KAZN: variants seen among roughly 807,000 people sequenced by gnomAD.
The protein encoded by KAZN is kazrin.
KAZN carries 40 observed loss-of-function variants against 87.4 expected under a neutral mutation model. The observed-to-expected ratio is 0.46, with a 90% CI of 0.36 to 0.60. The LOEUF is 0.60. KAZN is among the 20% of genes least tolerant of loss of function. The pLI, the probability that KAZN is intolerant of heterozygous loss-of-function variation, is 0.00. For synonymous variants in KAZN, 466 were observed against 458.3 expected (o/e 1.02, Z -0.22); for missense variants, 898 against 1,073.9 (o/e 0.84, Z 2.29).
At chr1:15,075,326 A>G (rs373759427) in intron 8 of KAZN, among the ~76,000 whole-genome samples, 4 of 152,338 alleles carry the variant, frequency 2.6e-5, no homozygotes, top group East Asian at 3.9e-4. Flanking sequence ...ACACTGCATC[A>G]TATCTCCACC....
chr1:15,110,318 T>G (rs111063543), intron 13 of KAZN, among the ~76,000 whole-genome samples: 7,789 of 151,982 alleles, frequency 0.051, 222 homozygotes, highest in Middle Eastern at 0.068. Context: ...TATTTGTGTA[T>G]TTGTGTGTGG....
Position 14,431,005 on chromosome 1 carries a change from A to G in KAZN, c.250-167978A>G, listed in dbSNP as rs569084674. The stretch of plus-strand genomic sequence containing the variant: ...TCCACTGTTATAGACCCAGAAAATT[A>G]TGTCCCTTTTCTCTGGAGAAGTTAT... On this transcript the variant is annotated intron_variant, in intron 2 of 16. Coordinates refer to the KAZN transcript ENST00000636203. Among the ~76,000 whole-genome samples, 7 of 152,330 alleles carry G rather than the reference A, an allele frequency of 4.6e-5. No individual in the cohort carries two copies. The South Asian group carries it at 1.5e-3, about 32-fold the overall frequency.
At chr1:15,052,246 C>T (rs539609277) in intron 4 of KAZN, among the ~76,000 whole-genome samples, 1 of 152,174 alleles carries the variant, frequency 6.6e-6, no homozygotes, top group East Asian at 1.9e-4. Context: ...TTAATGGACT[C>T]ACAGTTCCAC....
chr1:14,883,335 A>AGGGAGGGAGG (rs1653572056), intron 1 of KAZN, among the ~76,000 whole-genome samples: 5 of 42,172 alleles, frequency 1.2e-4, no homozygotes, highest in Admixed American at 3.3e-4. Flanking sequence ...AGAGAGAGAG[A>AGGGAGGGAGG]GAGAGAGAAA....
intron 2 of KAZN, among the ~76,000 whole-genome samples, chr1:14,521,962 G>T (rs1671614061): frequency 6.6e-6 from 1 of 152,202 alleles, no homozygotes; most frequent in Non-Finnish European, 1.5e-5. Flanking sequence ...AAATTTGAAA[G>T]AATGTGAACT....
chr1:13,958,210 G>A (rs561506858), intron 1 of KAZN, among the ~76,000 whole-genome samples: 9 of 152,284 alleles, frequency 5.9e-5, no homozygotes, highest in East Asian at 3.9e-4. Context: ...TTATGCACAC[G>A]TAGATATTCA....
chr1:15,112,492 G>C lies in KAZN; in HGVS notation c.2114G>C (p.Arg705Pro), dbSNP rs546437750. ...TPPGRASSVT[R>P]AGKEENSSGL... is the part of the protein sequence containing the mutation. ...CCTGGCAGGGCCTCCAGCGTCACGC[G>C]GGCAGGAAAGGAGGAGAACAGCAGC... Residue 705 changes from arginine (R) to proline (P), a missense_variant, in exon 14 of 15, where the codon CGG becomes CCG. Physicochemically the swap from Arg to Pro is moderately radical, Grantham distance 103. This residue lies in a region of KAZN where 127 missense variants were observed against 121.5 expected (regional missense o/e 1.04). Transcript: ENST00000376030. 4.5e-5 allele frequency: 72 copies of C among 1,609,406 alleles called. No individual in the cohort carries two copies. The highest frequency in any genetic ancestry group is 4.8e-5 in the Non-Finnish European group (56 of 1,178,294).
intron 1 of KAZN, among the ~76,000 whole-genome samples, chr1:14,605,682 G>C (rs1453738165): frequency 1.3e-5 from 2 of 152,108 alleles, no homozygotes. Context: ...TCATGTTGAG[G>C]AGGAGGAGGA....
intron 1 of KAZN, among the ~76,000 whole-genome samples, chr1:14,055,680 T>C (rs1430507696): frequency 1.3e-5 from 2 of 152,136 alleles, no homozygotes; most frequent in Non-Finnish European, 2.9e-5. Context: ...GTGCTGTCGC[T>C]CCACAGAAGG....
intron 1 of KAZN, among the ~76,000 whole-genome samples, chr1:14,160,730 G>A (rs1239467866): frequency 6.6e-6 from 1 of 152,094 alleles, no homozygotes. Context: ...GTGAATTTGG[G>A]GGTTCACTAA....
intron 2 of KAZN, among the ~76,000 whole-genome samples, chr1:14,466,978 T>A (rs972504524): frequency 6.6e-6 from 1 of 151,920 alleles, no homozygotes; most frequent in African/African-American, 2.4e-5. Flanking sequence ...CAAAAAAAAA[T>A]TAATTAAATA....
intron 2 of KAZN, among the ~76,000 whole-genome samples, chr1:14,405,129 C>T (rs1663725979): frequency 1.3e-5 from 2 of 152,206 alleles, no homozygotes; most frequent in South Asian, 4.1e-4. Context: ...CAACTCAGAA[C>T]TTTGCATACC....
chr1:14,098,136 C>A (rs1644170261), intron 1 of KAZN, among the ~76,000 whole-genome samples: 1 of 152,090 alleles, frequency 6.6e-6, no homozygotes, highest in Non-Finnish European at 1.5e-5. Flanking sequence ...GAGCTCTTCC[C>A]CTTGCCTTGT....
At chr1:14,377,493 T>A (rs1408716915) in intron 2 of KAZN, among the ~76,000 whole-genome samples, 1 of 152,184 alleles carries the variant, frequency 6.6e-6, no homozygotes, top group East Asian at 1.9e-4. Context: ...AGAAACAGTC[T>A]CTAGCCTTTT....
At chr1:14,984,015 T>C (rs1666526382) in intron 2 of KAZN, among the ~76,000 whole-genome samples, 1 of 152,174 alleles carries the variant, frequency 6.6e-6, no homozygotes, top group Non-Finnish European at 1.5e-5. Context: ...GAAGTTTATA[T>C]AGATTTGTAG....
chr1:14,316,876 C>T (rs1655688833), intron 2 of KAZN, among the ~76,000 whole-genome samples: 1 of 151,402 alleles, frequency 6.6e-6, no homozygotes, highest in East Asian at 1.9e-4. Flanking sequence ...AATTTAATTC[C>T]ATAGTGGTGA....
intron 2 of KAZN, among the ~76,000 whole-genome samples, chr1:14,288,823 C>A (rs1329266655): frequency 6.6e-6 from 1 of 152,160 alleles, no homozygotes; most frequent in African/African-American, 2.4e-5. Context: ...GCATTTAGTG[C>A]TATAAATTTC....
chr1:13,993,363 A>G lies in KAZN; in HGVS notation c.91+99607A>G, dbSNP rs577180853. 5.8e-4 allele frequency among the ~76,000 whole-genome samples: 89 copies of G among 152,350 alleles called. 1 individual carries two copies. The highest frequency in any genetic ancestry group is 1.4e-3 in the Admixed American group (22 of 15,308). On this transcript the variant is annotated intron_variant, in intron 1 of 16. Coordinates refer to the KAZN transcript ENST00000636203. Reference sequence around the variant, plus strand: ...TTAAAGGAGTTTACCAGGTTTTAGTAAGAATGGAAGGGAAAGAGCATAACT... The same window carrying G: ...TTAAAGGAGTTTACCAGGTTTTAGTGAGAATGGAAGGGAAAGAGCATAACT...
chr1:14,859,194 G>C (rs971743798), intron 1 of KAZN, among the ~76,000 whole-genome samples: 2 of 150,024 alleles, frequency 1.3e-5, no homozygotes, highest in African/African-American at 5.0e-5. Context: ...CTGGGTGACA[G>C]AGCGAGACCC....
Sources: gnomAD v4.1 joint callset for allele counts (sites outside exome capture counted in the v4.1 genomes callset) on GRCh38, gnomAD v4.1.1 for gene constraint, gnomAD v4.1.1 regional missense constraint, MANE v1.5 for transcripts, NCBI Gene and HGNC (gene_info 2026-07-23, HGNC 2026-07-21) for gene names.